ATP5MC3: variants seen among roughly 807,000 people sequenced by gnomAD.
ATP5MC3 encodes the protein ATP synthase membrane subunit c locus 3.
Under a neutral mutation model 15.6 loss-of-function variants are expected in ATP5MC3, and 6 were observed. The observed-to-expected ratio is 0.38, with a 90% CI of 0.21 to 0.76. The LOEUF (loss-of-function observed/expected upper bound fraction) is 0.76. Among genes scored for constraint, ATP5MC3 ranks in the 30% least tolerant of loss-of-function variants. ATP5MC3 has a pLI of 0.44. For synonymous variants in ATP5MC3, 66 were observed against 63.3 expected (o/e 1.04, Z -0.20); for missense variants, 132 against 171.2 (o/e 0.77, Z 1.28).
chr2:175,178,641 T>C, intron 4 of ATP5MC3: 1 of 1,234,032 alleles, frequency 8.1e-7, no homozygotes, highest in Non-Finnish European at 1.0e-6. Context: ...GGTTCTGACA[T>C]TCTTATCCAT....
chr2:175,180,081 A>C lies in ATP5MC3; in HGVS notation c.120+17T>G. 1 of 1,570,414 alleles carries C rather than the reference A, an allele frequency of 6.4e-7. No homozygotes were observed. Among genetic ancestry groups the C allele is most frequent in the South Asian group, 1.2e-5 (1 of 83,158 alleles). On this transcript the variant is annotated intron_variant, in intron 3 of 4. Transcript: ENST00000284727. ...TATTTGGTAGTGTTACCTAATTTCA[A>C]TTATTGCTACTATTACCTCTCCAGT...
rs1700683913 is a variant in ATP5MC3, at chr2:175,176,482, TTAA to T, written c.*1803_*1805del. On this transcript the variant is annotated 3_prime_UTR_variant, in exon 5 of 5. Transcript: ENST00000284727. Reference sequence around the variant, plus strand: ...ACCATCACCACTAATTCATCAAATTTTAATAATCTTTTAATTTTTGAGCCAGAT... The same window carrying T: ...ACCATCACCACTAATTCATCAAATTTTAATCTTTTAATTTTTGAGCCAGAT... 1 of 152,174 alleles carries T rather than the reference TTAA, an allele frequency of 6.6e-6. No individual in the cohort carries two copies. Among genetic ancestry groups the T allele is most frequent in the Non-Finnish European group, 1.5e-5 (1 of 68,016 alleles). 9.4% of individuals were successfully genotyped at this position (152,174 alleles called of 1,614,324 possible). A position where few individuals can be genotyped will look rare whatever the true frequency, so the allele number is the denominator to read the frequency against.
At chr2:175,181,150 G>C (rs1358173337) in intron 2 of ATP5MC3, among the ~76,000 whole-genome samples, 2 of 152,260 alleles carry the variant, frequency 1.3e-5, no homozygotes, top group Non-Finnish European at 2.9e-5. Flanking sequence ...CTAGGCCTCG[G>C]CTGCTCTGCC....
chr2:175,179,855 G>T, intron 3 of ATP5MC3: 1 of 443,560 alleles, frequency 2.3e-6, no homozygotes, highest in South Asian at 3.0e-5. Flanking sequence ...TTAAATATAG[G>T]CAACTTAAAT....
At chr2:175,178,651 T>A in intron 4 of ATP5MC3, 1 of 1,217,016 alleles carries the variant, frequency 8.2e-7, no homozygotes, top group Non-Finnish European at 1.0e-6. Context: ...TTCTTATCCA[T>A]CTGAAAATAT....
Position 175,181,484 on chromosome 2 carries a change from CT to C in ATP5MC3, c.-73-19del. On this transcript the variant is annotated intron_variant, in intron 1 of 4. Coordinates refer to ENST00000284727, the MANE Select transcript of ATP5MC3 (RefSeq NM_001689.5). The stretch of plus-strand genomic sequence containing the variant: ...CTTCCTCTCTGCGGAGGAAAAGAGG[CT>C]TAAGGTCAAGTGCCCTCCAGGGGCC... 1 of 1,530,166 alleles carries C rather than the reference CT, an allele frequency of 6.5e-7. No individual in the cohort carries two copies. The allele number at this position is 1,530,166 out of a possible 1,614,324, so 94.8% of individuals were successfully genotyped here.
chr2:175,181,484 C>CTTAA lies in ATP5MC3; in HGVS notation c.-73-22_-73-19dup. 1.3e-6 allele frequency: 2 copies of CTTAA among 1,530,166 alleles called. No homozygotes were observed. The highest frequency in any genetic ancestry group is 1.8e-6 in the Non-Finnish European group (2 of 1,119,884). The allele number at this position is 1,530,166 out of a possible 1,614,324, so 94.8% of individuals were successfully genotyped here. A position where few individuals can be genotyped will look rare whatever the true frequency, so the allele number is the denominator to read the frequency against. On this transcript the variant is annotated intron_variant, in intron 1 of 4. Coordinates refer to ENST00000284727, the MANE Select transcript of ATP5MC3 (RefSeq NM_001689.5). Reference sequence around the variant, plus strand: ...CTTCCTCTCTGCGGAGGAAAAGAGGCTTAAGGTCAAGTGCCCTCCAGGGGC... The same window carrying CTTAA: ...CTTCCTCTCTGCGGAGGAAAAGAGGCTTAATTAAGGTCAAGTGCCCTCCAGGGGC...
At chr2:175,181,332 C>A in intron 2 of ATP5MC3, 23 bp downstream of exon 2, 3 of 1,611,634 alleles carry the variant, frequency 1.9e-6, no homozygotes, top group East Asian at 2.2e-5. Flanking sequence ...CTCAATCCCC[C>A]CGACCCTGCC....
chr2:175,179,186 G>A lies in ATP5MC3; in HGVS notation c.185C>T (p.Thr62Ile). 10 of 1,614,164 alleles carry A rather than the reference G, an allele frequency of 6.2e-6. No individual in the cohort carries two copies. The highest frequency in any genetic ancestry group is 8.5e-6 in the Non-Finnish European group (10 of 1,180,042). The change falls in exon 4 of 5, where the codon ACC (threonine) becomes ATC (isoleucine). Residue 62 changes from threonine (T) to isoleucine (I), a missense_variant. Thr to Ile is a moderately conservative substitution (Grantham distance 89). Transcript: ENST00000284727. The part of the protein sequence containing the change: ...VSQLIQREFQ[T>I]SAISRDIDTA... ...ATCAATGTCTCTGCTGATTGCACTG[G>A]TCTGAAACTCCCTTTGGATTAGCTG...
At chr2:175,180,649 C>G (rs1341602538) in intron 2 of ATP5MC3, among the ~76,000 whole-genome samples, 1 of 152,138 alleles carries the variant, frequency 6.6e-6, no homozygotes, top group Non-Finnish European at 1.5e-5. Flanking sequence ...AAAAAAGGAA[C>G]TTAAGCAATT....
At position 175,178,207 on chromosome 2, in the gene ATP5MC3, T is replaced by G. The variant is rs1263878932; in HGVS notation, c.*81A>C. On this transcript the variant is annotated 3_prime_UTR_variant, in exon 5 of 5. Transcript: ENST00000284727. Reference sequence around the variant, plus strand: ...ACGTACATTCCCATGACACCAATACTACAGTTTTCGGAGTCACAGTAAGAT... The same window carrying G: ...ACGTACATTCCCATGACACCAATACGACAGTTTTCGGAGTCACAGTAAGAT... 5 of 1,533,660 alleles carry G rather than the reference T, an allele frequency of 3.3e-6. No individual in the cohort carries two copies. In the African/African-American group the frequency reaches 5.6e-5, roughly 17 times the overall value.
chr2:175,179,906 G>A (rs766558498), intron 3 of ATP5MC3, 192 bp downstream of exon 3: 2 of 523,880 alleles, frequency 3.8e-6, no homozygotes, highest in Non-Finnish European at 6.6e-6. Flanking sequence ...GTTTTGGATA[G>A]AGAAATTTCT....
At chr2:175,178,756 G>A in intron 4 of ATP5MC3, 1 of 1,164,560 alleles carries the variant, frequency 8.6e-7, no homozygotes, top group Non-Finnish European at 1.1e-6. Flanking sequence ...TCCCAAAATA[G>A]CTTAACAATT....
chr2:175,180,653 A>T (rs1298285189), intron 2 of ATP5MC3, among the ~76,000 whole-genome samples: 2 of 152,220 alleles, frequency 1.3e-5, no homozygotes, highest in African/African-American at 2.4e-5. Context: ...AAGGAACTTA[A>T]GCAATTCTAC....
rs1700712691 is a variant in ATP5MC3, at chr2:175,177,985, G to A, written c.*303C>T. ...AAAGCCCTATGAATTACAATATGCA[G>A]AACACTATATAAAAGAATTCCCATA... is the stretch of plus-strand genomic sequence containing the variant. On this transcript the variant is annotated 3_prime_UTR_variant, in exon 5 of 5. Transcript: ENST00000284727. The A allele has an allele frequency of 4.7e-6, 1 of 213,358 alleles. No individual in the cohort carries two copies. Among genetic ancestry groups the A allele is most frequent in the South Asian group, 1.1e-4 (1 of 9,344 alleles). The allele number at this position is 213,358 out of a possible 1,614,324, so 13.2% of individuals were successfully genotyped here. A position where few individuals can be genotyped will look rare whatever the true frequency, so the allele number is the denominator to read the frequency against.
intron 3 of ATP5MC3, 89 bp from the exon 4 acceptor site, chr2:175,179,339 C>CT: frequency 7.0e-7 from 1 of 1,434,782 alleles, no homozygotes; most frequent in Non-Finnish European, 9.2e-7. Context: ...ATGATAACTA[C>CT]TTTTTTATTT....
At position 175,179,110 on chromosome 2, in the gene ATP5MC3, A is replaced by G. The variant is rs781666794; in HGVS notation, c.261T>C (p.Gly87=). The change falls in exon 4 of 5, where the codon GGT becomes GGC. Residue 87 remains glycine (G), a synonymous_variant. Transcript: ENST00000284727. ...AGACTGTTCCAATACCAGCACCAGAACCAGCCACTCCTACTGTTGCAGCAC... is the reference window on the plus strand; with the variant it reads ...AGACTGTTCCAATACCAGCACCAGAGCCAGCCACTCCTACTGTTGCAGCAC... ...GAGAATVGVA[G]SGAGIGTVFG... is the part of the protein sequence containing the mutation. 1.2e-6 allele frequency: 2 copies of G among 1,611,964 alleles called. No homozygotes were observed. Among genetic ancestry groups the G allele is most frequent in the Non-Finnish European group, 1.7e-6 (2 of 1,179,568 alleles).
Position 175,181,699 on chromosome 2 carries a change from A to T in ATP5MC3, c.-117T>A. On this transcript the variant is annotated 5_prime_UTR_variant, in exon 1 of 5. Coordinates refer to ENST00000284727, the MANE Select transcript of ATP5MC3 (RefSeq NM_001689.5). ...CGGCACGGGCTGCGGCAGAGGTCGA[A>T]GGAGTGGGACTCAATGCGCAAGCGC... is the stretch of plus-strand genomic sequence containing the variant. The T allele has an allele frequency of 2.4e-6, 1 of 418,688 alleles. No individual in the cohort carries two copies. Among genetic ancestry groups the T allele is most frequent in the Non-Finnish European group, 4.3e-6 (1 of 234,434 alleles). The allele number at this position is 418,688 out of a possible 1,614,324, so 25.9% of individuals were successfully genotyped here.
In ATP5MC3 at chr2:175,180,186, T is replaced by TG. The variant is rs1422032780; in HGVS notation, c.40-9dup. On this transcript the variant is annotated splice_polypyrimidine_tract_variant and intron_variant, in intron 2 of 4. Transcript: ENST00000284727. ...TCTGGATCCAGCTCGGATCTATTAATGAAAAAAAAATAAAGATTTCAATAT... is the reference window on the plus strand; with the variant it reads ...TCTGGATCCAGCTCGGATCTATTAATGGAAAAAAAAATAAAGATTTCAATAT... 4 of 1,562,124 alleles carry TG rather than the reference T, an allele frequency of 2.6e-6. No individual in the cohort carries two copies. The highest frequency in any genetic ancestry group is 3.4e-6 in the Non-Finnish European group (4 of 1,164,468).
Sources: allele counts gnomAD v4.1 joint callset (sites outside exome capture counted in the v4.1 genomes callset), GRCh38; gene constraint gnomAD v4.1.1; transcripts MANE v1.5; gene names NCBI Gene and HGNC (gene_info 2026-07-23, HGNC 2026-07-21).